The following FRMD6 variants were observed in gnomAD, a reference collection of about 807,000 sequenced individuals.
The protein encoded by FRMD6 is FERM domain containing 6.
Under a neutral mutation model 73.2 loss-of-function variants are expected in FRMD6, and 37 were observed. The observed-to-expected ratio is 0.51, with a 90% CI of 0.39 to 0.66. The LOEUF is 0.66. Ranked by LOEUF, FRMD6 falls within the 30% of genes least tolerant of loss-of-function variation. The probability of loss-of-function intolerance (pLI) is 0.00; values close to 1 mark genes in which losing one functional copy is unlikely to be tolerated. For synonymous variants in FRMD6, 273 were observed against 282.2 expected, an observed-to-expected ratio of 0.97 and a Z score of 0.33; for missense variants, 714 against 780.5, an observed-to-expected ratio of 0.91 and a Z score of 1.02.
At chr14:51,633,068 A>G (rs556045522) in intron 2 of FRMD6, among the ~76,000 whole-genome samples, 1 of 152,370 alleles carries the variant, frequency 6.6e-6, no homozygotes, top group Admixed American at 6.5e-5. Context: ...GCTTTAAAAT[A>G]TCTAAAAAAA....
chr14:51,603,907 C>T (rs572817948), intron 2 of FRMD6, among the ~76,000 whole-genome samples: 7 of 150,562 alleles, frequency 4.6e-5, no homozygotes, highest in South Asian at 2.1e-4. Flanking sequence ...ATTTGCCATA[C>T]GATGTCCTGC....
At chr14:51,589,549 C>T (rs1889256447) in intron 2 of FRMD6, among the ~76,000 whole-genome samples, 1 of 151,952 alleles carries the variant, frequency 6.6e-6, no homozygotes, top group Non-Finnish European at 1.5e-5. Flanking sequence ...ACACAAAACA[C>T]TCTCCACTGA....
chr14:51,602,210 T>C (rs924673042), intron 2 of FRMD6, among the ~76,000 whole-genome samples: 1 of 152,222 alleles, frequency 6.6e-6, no homozygotes, highest in Non-Finnish European at 1.5e-5. Flanking sequence ...CATATGGAAC[T>C]CTGGGAGAGG....
intron 1 of FRMD6, among the ~76,000 whole-genome samples, chr14:51,553,314 A>G (rs112137463): frequency 1.7e-3 from 253 of 152,350 alleles, no homozygotes; most frequent in African/African-American, 5.7e-3. Context: ...TTAACTCTGC[A>G]GGATGGGAAC....
the FRMD6 span, among the ~76,000 whole-genome samples, chr14:51,423,413 G>A: frequency 2.0e-5 from 3 of 152,198 alleles, no homozygotes; most frequent in Non-Finnish European, 4.4e-5. Flanking sequence ...CTTGCGTGTA[G>A]CTACTTCTTC....
chr14:51,503,272 A>G (rs1194064632), intron 1 of FRMD6, among the ~76,000 whole-genome samples: 1 of 152,070 alleles, frequency 6.6e-6, no homozygotes, highest in African/African-American at 2.4e-5. Context: ...TTTGTCTTGT[A>G]CTGGTTTTCA....
At chr14:51,583,232 G>A (rs886305103) in intron 2 of FRMD6, among the ~76,000 whole-genome samples, 2 of 152,098 alleles carry the variant, frequency 1.3e-5, no homozygotes, top group African/African-American at 4.8e-5. Context: ...TTTATTTGCC[G>A]AACTAAAATG....
At chr14:51,536,282 G>A (rs1251270052) in intron 1 of FRMD6, among the ~76,000 whole-genome samples, 4 of 151,708 alleles carry the variant, frequency 2.6e-5, no homozygotes, top group African/African-American at 7.3e-5. Flanking sequence ...TGTAGACACA[G>A]GGTCTCACTA....
intron 2 of FRMD6, among the ~76,000 whole-genome samples, chr14:51,586,602 GT>G: frequency 6.6e-6 from 1 of 151,956 alleles, no homozygotes; most frequent in South Asian, 2.1e-4. Context: ...GTCTATTTTT[GT>G]TTTTGTTGCA....
upstream of FRMD6, among the ~76,000 whole-genome samples, chr14:51,647,612 T>C (rs1892135838): frequency 6.6e-6 from 1 of 152,212 alleles, no homozygotes; most frequent in Non-Finnish European, 1.5e-5. Context: ...TTTGTTTTGC[T>C]TTTAAAATGA....
chr14:51,413,375 G>A, the FRMD6 span, among the ~76,000 whole-genome samples: 4 of 152,088 alleles, frequency 2.6e-5, no homozygotes, highest in Non-Finnish European at 5.9e-5. Context: ...TGTTCTCATT[G>A]TTCAGTTCCC....
chr14:51,557,746 G>A (rs1259229805), intron 1 of FRMD6, among the ~76,000 whole-genome samples: 1 of 152,042 alleles, frequency 6.6e-6, no homozygotes, highest in Non-Finnish European at 1.5e-5. Flanking sequence ...CAGTGTATTC[G>A]TATATCAAAA....
chr14:51,469,102 G>T, the FRMD6 span, among the ~76,000 whole-genome samples: 10 of 151,418 alleles, frequency 6.6e-5, no homozygotes, highest in East Asian at 1.6e-3. Context: ...CACCACGCCC[G>T]GCTAATTTTT....
Position 51,524,761 on chromosome 14 carries a change from C to T in FRMD6, c.-210+35341C>T, listed in dbSNP as rs181470443. 8.5e-5 allele frequency among the ~76,000 whole-genome samples: 13 copies of T among 152,104 alleles called. No homozygotes were observed. The East Asian group carries it at 1.5e-3, about 18-fold the overall frequency. ...AGAAACAACTGGGTTGGTTATAGCTCGGCGTTCTCCTTATTTGAACAGTTG... is the reference window on the plus strand; with the variant it reads ...AGAAACAACTGGGTTGGTTATAGCTTGGCGTTCTCCTTATTTGAACAGTTG... On this transcript the variant is annotated intron_variant, in intron 1 of 14. Transcript: ENST00000356218.
At chr14:51,569,091 C>T (rs558036843) in intron 1 of FRMD6, among the ~76,000 whole-genome samples, 144 of 152,120 alleles carry the variant, frequency 9.5e-4, no homozygotes, top group African/African-American at 3.0e-3. Context: ...GGTGATCCCC[C>T]GACCTCTGCC....
chr14:51,400,050 T>G, the FRMD6 span, among the ~76,000 whole-genome samples: 1 of 152,320 alleles, frequency 6.6e-6, no homozygotes, highest in African/African-American at 2.4e-5. Flanking sequence ...ATGCATACAT[T>G]GTGGAATGAT....
At chr14:51,669,422 A>G (rs532580484) in intron 1 of FRMD6, among the ~76,000 whole-genome samples, 3 of 152,322 alleles carry the variant, frequency 2.0e-5, no homozygotes, top group East Asian at 3.9e-4. Context: ...ATGTTTATTA[A>G]AAACTGTCAA....
At chr14:51,498,211 A>G (rs1406506129) in intron 1 of FRMD6, among the ~76,000 whole-genome samples, 1 of 152,238 alleles carries the variant, frequency 6.6e-6, no homozygotes, top group Non-Finnish European at 1.5e-5. Context: ...CATTAGCCAG[A>G]CCCATAAGCG....
chr14:51,639,238 A>G (rs1420739275), intron 2 of FRMD6, among the ~76,000 whole-genome samples: 2 of 152,128 alleles, frequency 1.3e-5, no homozygotes, highest in Non-Finnish European at 2.9e-5. Flanking sequence ...GATCGAGACC[A>G]TGCTGACCAA....
Sources: allele counts gnomAD v4.1 joint callset (sites outside exome capture counted in the v4.1 genomes callset), GRCh38; gene constraint gnomAD v4.1.1; transcripts MANE v1.5; gene names NCBI Gene and HGNC (gene_info 2026-07-23, HGNC 2026-07-21).